The following ANKRD44 variants were observed in gnomAD, a reference collection of about 807,000 sequenced individuals.
The protein encoded by ANKRD44 is serine/threonine-protein phosphatase 6 regulatory ankyrin repeat subunit B.
Under a neutral mutation model 116.0 loss-of-function variants are expected in ANKRD44, and 35 were observed. That is an observed-to-expected ratio of 0.30 (90% CI 0.23 to 0.40). ANKRD44 has a LOEUF of 0.40. Among genes scored for constraint, ANKRD44 ranks in the 10% least tolerant of loss-of-function variants. The probability of loss-of-function intolerance (pLI) is 1.00; values close to 1 mark genes in which losing one functional copy is unlikely to be tolerated. For synonymous variants in ANKRD44, 435 were observed against 461.8 expected (o/e 0.94, Z 0.74); for missense variants, 1,014 against 1,242.6 (o/e 0.82, Z 2.77).
At chr2:197,041,757 C>T (rs1029917285) in intron 16 of ANKRD44, among the ~76,000 whole-genome samples, 55 of 152,150 alleles carry the variant, frequency 3.6e-4, no homozygotes, top group Non-Finnish European at 2.4e-4. Flanking sequence ...TGCAGCCCAA[C>T]AGGCAGACCC....
intron 8 of ANKRD44, among the ~76,000 whole-genome samples, chr2:197,120,942 G>GTTTTTTTTT (rs2078839441): frequency 6.9e-6 from 1 of 145,470 alleles, no homozygotes; most frequent in Non-Finnish European, 1.5e-5. Flanking sequence ...TTTTTTTTTT[G>GTTTTTTTTT]TTTTTGAGAC....
intron 2 of ANKRD44, among the ~76,000 whole-genome samples, chr2:197,186,455 T>C (rs1463861631): frequency 6.6e-6 from 1 of 152,024 alleles, no homozygotes; most frequent in Non-Finnish European, 1.5e-5. Context: ...TTCTGCTGTA[T>C]CTGGTTATTT....
Position 196,987,235 on chromosome 2 carries a change from A to G in ANKRD44, c.*2356T>C, listed in dbSNP as rs919984394. On this transcript the variant is annotated 3_prime_UTR_variant, in exon 28 of 28. Coordinates refer to ENST00000282272, the MANE Select transcript of ANKRD44 (RefSeq NM_001195144.2). The stretch of plus-strand genomic sequence containing the variant: ...AGCACTGCAAAATCAAACAATTCCT[A>G]TAGAAAACTTAAGCATTTTCATATT... The G allele has an allele frequency of 4.1e-6, 4 of 985,246 alleles. No individual in the cohort carries two copies. Among genetic ancestry groups the G allele is most frequent in the Non-Finnish European group, 4.8e-6 (4 of 829,840 alleles). The allele number at this position is 985,246 out of a possible 1,614,324, so 61.0% of individuals were successfully genotyped here. A position where few individuals can be genotyped will look rare whatever the true frequency, so the allele number is the denominator to read the frequency against.
chr2:197,188,470 T>C lies in ANKRD44; in HGVS notation c.28-1364A>G, dbSNP rs535823353. Among the ~76,000 whole-genome samples, 79 of 152,340 alleles carry C rather than the reference T, an allele frequency of 5.2e-4. 1 individual carries two copies. The highest frequency in any genetic ancestry group is 2.7e-3 in the Admixed American group (42 of 15,300). ...ACAGTGGCAGGCTTTAGGGTTGATG[T>C]TGGGCTTGCCTGCATGGCAAAAAAT... On this transcript the variant is annotated intron_variant, in intron 1 of 27. Coordinates refer to ENST00000282272, the MANE Select transcript of ANKRD44 (RefSeq NM_001195144.2).
chr2:197,248,532 T>C (rs1319782061), intron 1 of ANKRD44, among the ~76,000 whole-genome samples: 3 of 146,712 alleles, frequency 2.0e-5, no homozygotes, highest in Non-Finnish European at 4.5e-5. Context: ...TACATACTTA[T>C]ATATATTATA....
chr2:197,125,469 C>A lies in ANKRD44; in HGVS notation c.463-1G>T. ...CTTTGGCCAAGAGTAAATTGACCATCTGAAAGATAACCAACAATGAAATCA... is the reference window on the plus strand; with the variant it reads ...CTTTGGCCAAGAGTAAATTGACCATATGAAAGATAACCAACAATGAAATCA... On this transcript the variant is annotated splice_acceptor_variant, in intron 5 of 27. Transcript: ENST00000282272. LOFTEE classifies it high-confidence loss of function. 1 of 1,613,080 alleles carries A rather than the reference C, an allele frequency of 6.2e-7. No homozygotes were observed. The highest frequency in any genetic ancestry group is 8.5e-7 in the Non-Finnish European group (1 of 1,179,496).
At chr2:197,086,840 G>T in intron 12 of ANKRD44, 92 bp from the exon 13 acceptor site, 1 of 1,115,694 alleles carries the variant, frequency 9.0e-7, no homozygotes, top group South Asian at 1.4e-5. Flanking sequence ...TACAGGACCA[G>T]ATGAAAAGAT....
At chr2:197,305,821 C>T (rs895475558) in intron 1 of ANKRD44, among the ~76,000 whole-genome samples, 1 of 151,922 alleles carries the variant, frequency 6.6e-6, no homozygotes, top group Non-Finnish European at 1.5e-5. Context: ...AAAATTTTAA[C>T]TGGCTACCCA....
chr2:196,969,005 C>A (rs1199323476), intron 21 of ANKRD44, among the ~76,000 whole-genome samples: 1 of 152,146 alleles, frequency 6.6e-6, no homozygotes, highest in Non-Finnish European at 1.5e-5. Context: ...GAACCAGATA[C>A]AACTTATTTA....
chr2:197,248,574 G>A (rs2376295), intron 1 of ANKRD44, among the ~76,000 whole-genome samples: 16,407 of 118,316 alleles, frequency 0.14, 998 homozygotes, highest in Non-Finnish European at 0.18. Context: ...GTGTGTGTGT[G>A]TGTGTATATA....
At chr2:196,977,597 GC>G (rs2075769981) in intron 21 of ANKRD44, among the ~76,000 whole-genome samples, 1 of 152,200 alleles carries the variant, frequency 6.6e-6, no homozygotes, top group African/African-American at 2.4e-5. Flanking sequence ...ACAGAAAGGT[GC>G]TTGACATCAT....
intron 18 of ANKRD44, among the ~76,000 whole-genome samples, chr2:197,011,463 T>C (rs1477817745): frequency 6.6e-6 from 1 of 151,712 alleles, no homozygotes; most frequent in Non-Finnish European, 1.5e-5. Context: ...ACTTAGCTAA[T>C]AGCCCTCAGG....
intron 15 of ANKRD44, among the ~76,000 whole-genome samples, chr2:197,079,663 T>C (rs1277273753): frequency 6.6e-6 from 1 of 152,264 alleles, no homozygotes; most frequent in East Asian, 1.9e-4. Flanking sequence ...GCATTATCCC[T>C]GTGGCAGTGG....
At chr2:197,174,232 A>G (rs1669017181) in intron 2 of ANKRD44, among the ~76,000 whole-genome samples, 1 of 152,294 alleles carries the variant, frequency 6.6e-6, no homozygotes, top group Non-Finnish European at 1.5e-5. Flanking sequence ...CATTTTTTCT[A>G]ACTCATGTTT....
At chr2:197,112,695 G>A (rs1371134762) in intron 8 of ANKRD44, among the ~76,000 whole-genome samples, 4 of 135,166 alleles carry the variant, frequency 3.0e-5, no homozygotes, top group East Asian at 2.1e-4. Flanking sequence ...GCGACAGAGC[G>A]AGACTCCGTC....
chr2:197,265,543 G>A (rs781324863), intron 1 of ANKRD44, among the ~76,000 whole-genome samples: 33 of 152,134 alleles, frequency 2.2e-4, no homozygotes, highest in Non-Finnish European at 3.5e-4. Context: ...CACCATGCCC[G>A]GCCAGTAACA....
rs374313668 is a variant in ANKRD44 at position 197,305,967 on chromosome 2, TTATATA to T, written c.27+4605_27+4610del. Among the ~76,000 whole-genome samples, 24 of 124,740 alleles carry T rather than the reference TTATATA, an allele frequency of 1.9e-4. 1 individual carries two copies. The highest frequency in any genetic ancestry group is 4.9e-4 in the South Asian group (2 of 4,102). 81.8% of individuals were successfully genotyped at this position (124,740 alleles called of 152,430 possible). On this transcript the variant is annotated intron_variant, in intron 1 of 27. Coordinates refer to ENST00000282272, the MANE Select transcript of ANKRD44 (RefSeq NM_001195144.2). Reference sequence around the variant, plus strand: ...TTTCCTATAATGACCGCAGTTCGTTTTATATATATATATATATATATATATGAAAAA... The same window carrying T: ...TTTCCTATAATGACCGCAGTTCGTTTTATATATATATATATATATGAAAAA...
rs547065290 is a variant in ANKRD44, at chr2:197,063,415, C to T, written c.1650+15288G>A. Among the ~76,000 whole-genome samples the T allele has an allele frequency of 3.9e-5, 6 of 152,318 alleles. No homozygotes were observed. In the South Asian group the frequency reaches 6.2e-4, roughly 16 times the overall value. The stretch of plus-strand genomic sequence containing the variant: ...GAGCGTCTCTCCCCCTCCAAAGGAA[C>T]GCAGCTCCTCGCCAGCAACAGAACA... On this transcript the variant is annotated intron_variant, in intron 16 of 27. Transcript: ENST00000282272.
At position 196,987,830 on chromosome 2, in the gene ANKRD44, T is replaced by C. The variant is rs2075855132; in HGVS notation, c.*1761A>G. ...AAAGCACTAAGCAACTAAGACTCAG[T>C]TAAAAACACATTTTTTTTTCTTAGA... is the stretch of plus-strand genomic sequence containing the variant. On this transcript the variant is annotated 3_prime_UTR_variant, in exon 28 of 28. Transcript: ENST00000282272. 1 of 982,508 alleles carries C rather than the reference T, an allele frequency of 1.0e-6. No individual in the cohort carries two copies. The highest frequency in any genetic ancestry group is 4.7e-5 in the South Asian group (1 of 21,206). 60.9% of individuals were successfully genotyped at this position (982,508 alleles called of 1,614,324 possible).
Sources: gnomAD v4.1 joint callset for allele counts (sites outside exome capture counted in the v4.1 genomes callset) on GRCh38, gnomAD v4.1.1 for gene constraint, MANE v1.5 for transcripts, NCBI Gene and HGNC (gene_info 2026-07-23, HGNC 2026-07-21) for gene names.